MAGI1: variants seen among roughly 807,000 people sequenced by gnomAD.
MAGI1 encodes the protein membrane-associated guanylate kinase, WW and PDZ domain-containing protein 1.
A neutral mutation model predicts 139.9 loss-of-function variants in MAGI1; 58 were observed. The ratio of observed to expected loss-of-function variants is 0.41; its 90% CI spans 0.34 to 0.52. MAGI1 has a LOEUF of 0.52. MAGI1 is among the 20% of genes least tolerant of loss of function. MAGI1 has a pLI of 0.12. For synonymous variants in MAGI1, 812 were observed against 737.9 expected, an observed-to-expected ratio of 1.10 and a Z score of -1.63; for missense variants, 1,874 against 1,901.6, an observed-to-expected ratio of 0.99 and a Z score of 0.27.
chr3:65,406,633 T>A (rs1368690315), intron 12 of MAGI1, among the ~76,000 whole-genome samples: 8 of 152,186 alleles, frequency 5.3e-5, no homozygotes, highest in African/African-American at 1.4e-4. Context: ...CTAATCCACA[T>A]GTCACTGAAC....
chr3:65,357,947 T>C (rs566375893), intron 22 of MAGI1, among the ~76,000 whole-genome samples: 1 of 152,332 alleles, frequency 6.6e-6, no homozygotes, highest in East Asian at 1.9e-4. Context: ...AGGTGTTTTC[T>C]GATAGATAAA....
intron 1 of MAGI1, among the ~76,000 whole-genome samples, chr3:65,792,059 A>T (rs1350781062): frequency 7.0e-6 from 1 of 142,538 alleles, no homozygotes; most frequent in Non-Finnish European, 1.6e-5. Context: ...TACTTCTGAT[A>T]AAAAAATCAA....
intron 1 of MAGI1, among the ~76,000 whole-genome samples, chr3:65,709,125 A>G (rs2030919145): frequency 6.6e-6 from 1 of 152,250 alleles, no homozygotes; most frequent in African/African-American, 2.4e-5. Flanking sequence ...ATGAATATGT[A>G]TATACACTAC....
chr3:65,527,752 A>C (rs575517285), intron 2 of MAGI1, among the ~76,000 whole-genome samples: 1 of 151,820 alleles, frequency 6.6e-6, no homozygotes, highest in Admixed American at 6.6e-5. Context: ...ATAAAAAATA[A>C]AAACAAAAAT....
In MAGI1 at chr3:65,894,790, A is replaced by G. The variant is rs931322493; in HGVS notation, c.313+143206T>C. Reference sequence around the variant, plus strand: ...AGGGGAGTTATCACTCATCACCATCAACTGCTTTTGAAAAGGCCAATCCCA... The same window carrying G: ...AGGGGAGTTATCACTCATCACCATCGACTGCTTTTGAAAAGGCCAATCCCA... On this transcript the variant is annotated intron_variant, in intron 1 of 22. Coordinates refer to ENST00000402939, the MANE Select transcript of MAGI1 (RefSeq NM_001033057.2). Among the ~76,000 whole-genome samples the G allele has an allele frequency of 4.9e-4, 74 of 152,316 alleles. 1 individual carries two copies. Among genetic ancestry groups the G allele is most frequent in the African/African-American group, 1.7e-3 (71 of 41,582 alleles).
intron 1 of MAGI1, among the ~76,000 whole-genome samples, chr3:66,009,614 C>A (rs2067218233): frequency 6.6e-6 from 1 of 152,128 alleles, no homozygotes; most frequent in African/African-American, 2.4e-5. Context: ...CTAACGATAC[C>A]TACATAATAA....
At chr3:66,006,578 T>C (rs191451317) in intron 1 of MAGI1, among the ~76,000 whole-genome samples, 34 of 152,294 alleles carry the variant, frequency 2.2e-4, no homozygotes, top group African/African-American at 7.0e-4. Flanking sequence ...CCCTAGGCAA[T>C]GCTGAAGTAA....
At chr3:65,713,369 A>G (rs2031755075) in intron 1 of MAGI1, among the ~76,000 whole-genome samples, 1 of 152,212 alleles carries the variant, frequency 6.6e-6, no homozygotes, top group African/African-American at 2.4e-5. Flanking sequence ...GTATTTGAGT[A>G]AAAATGGTTC....
At chr3:65,526,009 T>C (rs951143458) in intron 2 of MAGI1, among the ~76,000 whole-genome samples, 1 of 152,186 alleles carries the variant, frequency 6.6e-6, no homozygotes, top group Non-Finnish European at 1.5e-5. Context: ...GGCTTCCTAA[T>C]CTTTGCAAAA....
intron 1 of MAGI1, chr3:66,009,273 T>C (rs924614769): frequency 1.3e-5 from 2 of 152,208 alleles, no homozygotes; most frequent in African/African-American, 4.8e-5. Flanking sequence ...CCCAGCACTT[T>C]GGGAGGCAGG....
chr3:65,375,561 T>G (rs1484553998), intron 18 of MAGI1, among the ~76,000 whole-genome samples, 184 bp downstream of exon 18: 1 of 152,226 alleles, frequency 6.6e-6, no homozygotes, highest in South Asian at 2.1e-4. Context: ...GAGGTATGGG[T>G]TAGTAACAAT....
chr3:65,630,830 A>G (rs2084254930), intron 1 of MAGI1, among the ~76,000 whole-genome samples: 1 of 152,188 alleles, frequency 6.6e-6, no homozygotes, highest in Non-Finnish European at 1.5e-5. Context: ...CATGTAACCA[A>G]AAGCCACCTG....
chr3:65,848,357 T>G (rs1040523374), intron 1 of MAGI1, among the ~76,000 whole-genome samples: 3 of 152,290 alleles, frequency 2.0e-5, no homozygotes, highest in African/African-American at 7.2e-5. Flanking sequence ...GCAGGCTTAA[T>G]AAGAAGCTGA....
At chr3:65,515,691 C>T (rs929206375) in intron 2 of MAGI1, among the ~76,000 whole-genome samples, 4 of 152,200 alleles carry the variant, frequency 2.6e-5, no homozygotes, top group African/African-American at 9.7e-5. Context: ...TCTATGGCAC[C>T]AACCCATGGC....
chr3:65,733,604 A>G (rs1269956257), intron 1 of MAGI1, among the ~76,000 whole-genome samples: 1 of 152,214 alleles, frequency 6.6e-6, no homozygotes, highest in Admixed American at 6.5e-5. Flanking sequence ...ATCCTATCAA[A>G]AAACCATCTG....
chr3:65,861,874 A>C (rs947998201), intron 1 of MAGI1, among the ~76,000 whole-genome samples: 6 of 152,208 alleles, frequency 3.9e-5, no homozygotes, highest in African/African-American at 1.2e-4. Context: ...CAACTTGTTG[A>C]GATATTAGCA....
chr3:65,460,554 T>A (rs1379029574), intron 5 of MAGI1, among the ~76,000 whole-genome samples: 2 of 152,226 alleles, frequency 1.3e-5, no homozygotes, highest in Middle Eastern at 3.4e-3. Context: ...TCTTCTTTTT[T>A]AAAAAAATTA....
At chr3:65,642,264 AC>A (rs1201040091) in intron 1 of MAGI1, among the ~76,000 whole-genome samples, 1 of 152,224 alleles carries the variant, frequency 6.6e-6, no homozygotes. Context: ...AAGCACCAGC[AC>A]CAATGAATGC....
chr3:65,521,371 A>G (rs950604592), intron 2 of MAGI1, among the ~76,000 whole-genome samples: 1 of 152,234 alleles, frequency 6.6e-6, no homozygotes, highest in East Asian at 1.9e-4. Flanking sequence ...CCTTCAAGAT[A>G]TATCACTGGA....
Sources: allele counts gnomAD v4.1 joint callset (sites outside exome capture counted in the v4.1 genomes callset), GRCh38; gene constraint gnomAD v4.1.1; transcripts MANE v1.5; gene names NCBI Gene and HGNC (gene_info 2026-07-23, HGNC 2026-07-21).